MAP7: variants seen among roughly 807,000 people sequenced by gnomAD.
The protein encoded by MAP7 is microtubule associated protein 7.
A neutral mutation model predicts 94.8 loss-of-function variants in MAP7; 52 were observed. That is an observed-to-expected ratio of 0.55 (90% CI 0.44 to 0.69). The LOEUF is 0.69. Ranked by LOEUF, MAP7 falls within the 30% of genes least tolerant of loss-of-function variation. The probability of loss-of-function intolerance (pLI) is 0.00; values close to 1 mark genes in which losing one functional copy is unlikely to be tolerated. For missense variants in MAP7, 940 were observed against 964.6 expected (o/e 0.97, Z 0.34); for synonymous variants, 350 against 357.0 (o/e 0.98, Z 0.22).
chr6:136,451,463 GA>G (rs762947951), intron 1 of MAP7, among the ~76,000 whole-genome samples: 13 of 152,136 alleles, frequency 8.5e-5, no homozygotes, highest in Non-Finnish European at 1.5e-4. Flanking sequence ...ACTGTTCATT[GA>G]CAATGCATCA....
In MAP7 at chr6:136,366,426, TC is replaced by T; in HGVS notation, c.889del (p.Glu297LysfsTer102). On this transcript the variant is annotated frameshift_variant, in exon 9 of 18. Transcript: ENST00000354570. LOFTEE classifies it high-confidence loss of function. Reference protein sequence around the residue: ...IIHGTASYKKERERENVLFLT... With the variant: ...IIHGTASYKKXRERENVLFLT... ...GAAGAGTACATTTTCTCTCTCTCTTTCTTTTTTATAGCTCTAAGTTCAGAGA... is the reference window on the plus strand; with the variant it reads ...GAAGAGTACATTTTCTCTCTCTCTTTTTTTTTATAGCTCTAAGTTCAGAGA... The T allele has an allele frequency of 6.2e-7, 1 of 1,611,810 alleles. No homozygotes were observed. The highest frequency in any genetic ancestry group is 8.5e-7 in the Non-Finnish European group (1 of 1,177,904).
intron 1 of MAP7, among the ~76,000 whole-genome samples, chr6:136,477,709 T>C (rs939912650): frequency 1.3e-5 from 2 of 152,142 alleles, no homozygotes; most frequent in Admixed American, 6.5e-5. Context: ...ATTACAGTAA[T>C]AGCTGGACAC....
intron 1 of MAP7, among the ~76,000 whole-genome samples, chr6:136,497,303 A>C (rs1034650668): frequency 3.3e-5 from 5 of 151,932 alleles, no homozygotes; most frequent in Non-Finnish European, 7.4e-5. Flanking sequence ...CCCACAAGAA[A>C]ATTCCTAGTG....
At chr6:136,361,280 T>C (rs955408553) in intron 11 of MAP7, 101 bp from the exon 12 acceptor site, 9 of 1,251,080 alleles carry the variant, frequency 7.2e-6, no homozygotes, top group Admixed American at 4.5e-5. Flanking sequence ...CCTTTAGGCG[T>C]CCAGTAGAAA....
rs1790933500 is a variant in MAP7 at position 136,420,416 on chromosome 6, C to T, written c.166+1285G>A. ...CAGGGGAACTCAGCTACCAGGTCCACTTCTGCCAACAAATGTGATTTTCAT... is the reference window on the plus strand; with the variant it reads ...CAGGGGAACTCAGCTACCAGGTCCATTTCTGCCAACAAATGTGATTTTCAT... On this transcript the variant is annotated intron_variant, in intron 2 of 17. Coordinates refer to ENST00000354570, the MANE Select transcript of MAP7 (RefSeq NM_003980.6). 5.8e-6 allele frequency: 3 copies of T among 520,422 alleles called. No homozygotes were observed. In the Admixed American group the frequency reaches 1.0e-4, roughly 18 times the overall value. The allele number at this position is 520,422 out of a possible 1,614,324, so 32.2% of individuals were successfully genotyped here.
At chr6:136,361,701 T>TA (rs1167700988) in intron 11 of MAP7, among the ~76,000 whole-genome samples, 1 of 152,240 alleles carries the variant, frequency 6.6e-6, no homozygotes, top group Non-Finnish European at 1.5e-5. Context: ...AACAATTATA[T>TA]TGACATTCGT....
chr6:136,438,297 C>A (rs542390458), intron 1 of MAP7, among the ~76,000 whole-genome samples: 1 of 152,312 alleles, frequency 6.6e-6, no homozygotes, highest in African/African-American at 2.4e-5. Context: ...GCAAAGCAGG[C>A]AATTAGCATC....
chr6:136,449,061 C>A (rs921531553), intron 1 of MAP7, among the ~76,000 whole-genome samples: 3 of 151,228 alleles, frequency 2.0e-5, no homozygotes, highest in African/African-American at 7.3e-5. Flanking sequence ...GTAATCCCAG[C>A]ACTTTGGGAG....
intron 3 of MAP7, among the ~76,000 whole-genome samples, chr6:136,405,901 GTTTGA>G (rs1007785280): frequency 2.6e-5 from 4 of 152,120 alleles, no homozygotes; most frequent in African/African-American, 9.7e-5. Flanking sequence ...AGGTAATCTT[GTTTGA>G]TTTTTTATTA....
rs1202110932 is a variant in MAP7, at chr6:136,365,763, C to T, written c.1245G>A (p.Arg415=). Residue 415 remains arginine, a synonymous_variant, in exon 10 of 18, where the codon CGG becomes CGA. Coordinates refer to ENST00000354570, the MANE Select transcript of MAP7 (RefSeq NM_003980.6). The part of the protein sequence containing the change: ...VKVEEATVEE[R]TPAEPEVGPA... Reference sequence around the variant, plus strand: ...GGCCAACTTCTGGTTCAGCAGGTGTCCGCTCTTCAACTGTGGCTTCTTCTA... The same window carrying T: ...GGCCAACTTCTGGTTCAGCAGGTGTTCGCTCTTCAACTGTGGCTTCTTCTA... 6.2e-7 allele frequency: 1 copy of T among 1,613,908 alleles called. No homozygotes were observed. The highest frequency in any genetic ancestry group is 8.5e-7 in the Non-Finnish European group (1 of 1,180,008).
chr6:136,418,484 G>A (rs1790233914), intron 2 of MAP7, among the ~76,000 whole-genome samples: 1 of 152,156 alleles, frequency 6.6e-6, no homozygotes, highest in Admixed American at 6.5e-5. Flanking sequence ...CAAATTGCTG[G>A]GATTACAGGC....
intron 1 of MAP7, among the ~76,000 whole-genome samples, chr6:136,489,346 A>T (rs1483902546): frequency 6.6e-6 from 1 of 152,094 alleles, no homozygotes; most frequent in Non-Finnish European, 1.5e-5. Flanking sequence ...ATTAACCAGC[A>T]AATACTCGAT....
At chr6:136,397,465 A>G (rs1782799147) in intron 3 of MAP7, among the ~76,000 whole-genome samples, 1 of 152,230 alleles carries the variant, frequency 6.6e-6, no homozygotes, top group Admixed American at 6.5e-5. Flanking sequence ...GAAAAAATTC[A>G]GCAACTGTTA....
Position 136,361,090 on chromosome 6 carries a change from G to A in MAP7, c.1616C>T (p.Ala539Val). The A allele has an allele frequency of 6.2e-7, 1 of 1,604,350 alleles. No individual in the cohort carries two copies. The highest frequency in any genetic ancestry group is 1.1e-5 in the South Asian group (1 of 90,916). ...CTGCAGCTGCTCCTCCTTCTCCCGG[G>A]CCTGCTCGGCTTCCAGCCTGCGCGA... ...EESRRLEAEQ[A>V]REKEEQLQRQ... is the part of the protein sequence containing the mutation. Residue 539 changes from alanine (A) to valine (V), a missense_variant, in exon 12 of 18, where the codon GCC becomes GTC. Physicochemically the swap from Ala to Val is moderately conservative, Grantham distance 64. Transcript: ENST00000354570.
intron 1 of MAP7, among the ~76,000 whole-genome samples, chr6:136,527,175 C>A (rs759376159): frequency 6.6e-6 from 1 of 152,092 alleles, no homozygotes; most frequent in Non-Finnish European, 1.5e-5. Flanking sequence ...TTTTTTGGAT[C>A]GTTTTCTTCA....
intron 1 of MAP7, among the ~76,000 whole-genome samples, chr6:136,423,732 A>T (rs1792180444): frequency 1.3e-5 from 2 of 151,226 alleles, no homozygotes; most frequent in Admixed American, 1.3e-4. Context: ...CCTTAAAAAA[A>T]AAAAAAACAA....
At chr6:136,536,235 T>G (rs1003620539) in intron 1 of MAP7, among the ~76,000 whole-genome samples, 1 of 152,138 alleles carries the variant, frequency 6.6e-6, no homozygotes, top group African/African-American at 2.4e-5. Flanking sequence ...TCCAGCAAGG[T>G]TTTTTTGTTT....
At chr6:136,429,678 C>G (rs935642081) in intron 1 of MAP7, among the ~76,000 whole-genome samples, 1 of 152,154 alleles carries the variant, frequency 6.6e-6, no homozygotes, top group African/African-American at 2.4e-5. Context: ...AGCAGCTCCT[C>G]GATTCACATC....
chr6:136,386,225 T>C (rs1383771630), intron 5 of MAP7, among the ~76,000 whole-genome samples: 1 of 152,214 alleles, frequency 6.6e-6, no homozygotes, highest in African/African-American at 2.4e-5. Flanking sequence ...AAGTAAAGGG[T>C]ATTCAAAATG....
Sources: allele counts gnomAD v4.1 joint callset (sites outside exome capture counted in the v4.1 genomes callset), GRCh38; gene constraint gnomAD v4.1.1; transcripts MANE v1.5; gene names NCBI Gene and HGNC (gene_info 2026-07-23, HGNC 2026-07-21).